The following NBPF20 variants were observed in gnomAD, a reference collection of about 807,000 sequenced individuals.
NBPF20 encodes NBPF family member NBPF20.
Under a neutral mutation model 68.1 loss-of-function variants are expected in NBPF20, and 90 were observed. The observed-to-expected ratio is 1.32, with a 90% CI of 1.11 to 1.58. The LOEUF (loss-of-function observed/expected upper bound fraction) is 1.58. Among genes scored for constraint, NBPF20 ranks in the 40% most tolerant of loss-of-function variants. NBPF20 has a pLI of 0.00. For missense variants in NBPF20, 816 were observed against 601.2 expected, an observed-to-expected ratio of 1.36 and a Z score of -3.74; for synonymous variants, 290 against 228.1, an observed-to-expected ratio of 1.27 and a Z score of -2.45.
chr1:145,410,905 T>TTGTG, the NBPF20 span, among the ~76,000 whole-genome samples: 2 of 119,438 alleles, frequency 1.7e-5, no homozygotes, highest in Non-Finnish European at 3.3e-5. Context: ...ACACACACGT[T>TTGTG]TGTGTGTGTG....
intron 132 of NBPF20, chr1:145,295,983 T>C (rs1661307035): frequency 6.3e-6 from 1 of 159,514 alleles, no homozygotes; most frequent in Non-Finnish European, 1.0e-5. Context: ...TTGTTCACGG[T>C]ATCGAGGATT....
In NBPF20 at chr1:145,292,281, C is replaced by A. The variant is rs200909364; in HGVS notation, c.16697+100G>T. ...GCAATGACAGTAGGAGTAATTCAGCCTTCGTTGAAAACATGACATCAAACA... is the reference window on the plus strand; with the variant it reads ...GCAATGACAGTAGGAGTAATTCAGCATTCGTTGAAAACATGACATCAAACA... On this transcript the variant is annotated intron_variant, in intron 137 of 137. Coordinates refer to ENST00000369373, the Ensembl canonical transcript of NBPF20. 27 of 608,470 alleles carry A rather than the reference C, an allele frequency of 4.4e-5. No individual in the cohort carries two copies. In the East Asian group the frequency reaches 7.0e-4, roughly 16 times the overall value. 37.7% of individuals were successfully genotyped at this position (608,470 alleles called of 1,614,324 possible).
At chr1:145,403,037 CCCAT>C (rs1662599117) in intron 3 of NBPF20, among the ~76,000 whole-genome samples, 175 bp downstream of exon 8, 1 of 152,026 alleles carries the variant, frequency 6.6e-6, no homozygotes, top group African/African-American at 2.4e-5. Flanking sequence ...ACAACTGCAA[CCCAT>C]ACATTTTTAT....
At chr1:145,412,726 GCTCT>G in the NBPF20 span, among the ~76,000 whole-genome samples, 8 of 132,590 alleles carry the variant, frequency 6.0e-5, no homozygotes, top group African/African-American at 1.4e-4. Context: ...CTTTCACAAA[GCTCT>G]CTGTGTTTGA....
the NBPF20 span, among the ~76,000 whole-genome samples, chr1:145,425,405 G>A: frequency 1.2e-4 from 18 of 152,142 alleles, no homozygotes; most frequent in African/African-American, 4.3e-4. Flanking sequence ...CATCCAGACG[G>A]CAGCCGCGCC....
intron 8 of NBPF20, among the ~76,000 whole-genome samples, chr1:145,394,606 A>G (rs1471344175): frequency 1.3e-5 from 2 of 152,062 alleles, no homozygotes; most frequent in Non-Finnish European, 2.9e-5. Flanking sequence ...CTTTGGGAAC[A>G]AAACTCATAA....
chr1:145,425,478 G>A, the NBPF20 span, among the ~76,000 whole-genome samples: 5 of 152,310 alleles, frequency 3.3e-5, no homozygotes, highest in South Asian at 1.0e-3. Flanking sequence ...AAAGCACCGC[G>A]TTCACTCAGA....
upstream of NBPF20, among the ~76,000 whole-genome samples, chr1:145,410,099 CTG>C (rs1342931696): frequency 3.3e-5 from 5 of 152,024 alleles, no homozygotes; most frequent in Admixed American, 3.3e-4. Context: ...CTTTAAGAAA[CTG>C]TTAGATTTTC....
At chr1:145,401,029 C>T (rs1391363825) in intron 5 of NBPF20, 30 bp downstream of exon 10, 6 of 1,542,380 alleles carry the variant, frequency 3.9e-6, no homozygotes, top group African/African-American at 2.7e-5. Flanking sequence ...TGTTACCATC[C>T]ATTAATTGTT....
intron 6 of NBPF20, among the ~76,000 whole-genome samples, chr1:145,400,086 A>C (rs1321660097): frequency 7.9e-4 from 121 of 152,328 alleles, no homozygotes; most frequent in African/African-American, 2.8e-3. Context: ...CAGAGGACTT[A>C]ATCACAGATG....
At chr1:145,415,433 TCGGGCTGGGGGA>T in the NBPF20 span, among the ~76,000 whole-genome samples, 1 of 151,710 alleles carries the variant, frequency 6.6e-6, no homozygotes, top group Non-Finnish European at 1.5e-5. Context: ...TTTACGGGTG[TCGGGCTGGGGGA>T]CAGTCAGGTC....
At chr1:145,394,640 C>T (rs1409193570) in intron 8 of NBPF20, among the ~76,000 whole-genome samples, 1 of 152,030 alleles carries the variant, frequency 6.6e-6, no homozygotes, top group African/African-American at 2.4e-5. Flanking sequence ...TGGCAAGAGA[C>T]ATTTAATTCA....
rs1662639985 is a variant in NBPF20 at position 145,403,837 on chromosome 1, T to A, written c.176-519A>T. On this transcript the variant is annotated intron_variant, in intron 2 of 137. Coordinates refer to ENST00000369373, the Ensembl canonical transcript of NBPF20. Reference sequence around the variant, plus strand: ...TAAGAATCATATCTGAAGCATAAAGTGTGACACATAACACCTTAAGGCCAT... The same window carrying A: ...TAAGAATCATATCTGAAGCATAAAGAGTGACACATAACACCTTAAGGCCAT... Among the ~76,000 whole-genome samples, 8 of 151,908 alleles carry A rather than the reference T, an allele frequency of 5.3e-5. No individual in the cohort carries two copies. The South Asian group carries it at 1.5e-3, about 28-fold the overall frequency.
At chr1:145,292,305 C>A (rs1222003350) in intron 137 of NBPF20, 76 bp downstream of exon 142, 3 of 621,360 alleles carry the variant, frequency 4.8e-6, no homozygotes, top group Admixed American at 5.4e-5. Context: ...TGACATCAAA[C>A]ACACTCTGGT....
At chr1:145,407,452 C>G (rs1308036087), upstream of NBPF20, among the ~76,000 whole-genome samples, 1 of 144,458 alleles carries the variant, frequency 6.9e-6, no homozygotes, top group Non-Finnish European at 1.5e-5. Flanking sequence ...CATGTATATA[C>G]GTGTATACAC....
At chr1:145,405,968 G>A (rs1571379558), upstream of NBPF20, among the ~76,000 whole-genome samples, 5 of 150,414 alleles carry the variant, frequency 3.3e-5, no homozygotes, top group African/African-American at 1.2e-4. Flanking sequence ...GCCCAGGCTG[G>A]AGTGCAGTGA....
At chr1:145,311,865 T>C (rs1661492382) in intron 112 of NBPF20, among the ~76,000 whole-genome samples, 2 of 112,232 alleles carry the variant, frequency 1.8e-5, no homozygotes, top group Non-Finnish European at 3.6e-5. Flanking sequence ...GCGAGGATTT[T>C]AGATGCTGAA....
intron 7 of NBPF20, among the ~76,000 whole-genome samples, chr1:145,397,556 G>A (rs1280680544): frequency 2.6e-5 from 4 of 152,146 alleles, no homozygotes; most frequent in African/African-American, 7.2e-5. Context: ...TCACCACCAG[G>A]CCTGCCTTAC....
intron 137 of NBPF20, among the ~76,000 whole-genome samples, 157 bp from the exon 143 acceptor site, chr1:145,291,926 T>C (rs879972726): frequency 2.0e-5 from 3 of 151,252 alleles, no homozygotes; most frequent in Admixed American, 6.6e-5. Flanking sequence ...TATGTTGGGA[T>C]AGAACAGGGC....
Sources: allele counts gnomAD v4.1 joint callset (sites outside exome capture counted in the v4.1 genomes callset), GRCh38; gene constraint gnomAD v4.1.1; transcripts MANE v1.5; gene names NCBI Gene and HGNC (gene_info 2026-07-23, HGNC 2026-07-21).